The following TRPM2 variants were observed in gnomAD, a reference collection of about 807,000 sequenced individuals.
TRPM2 encodes the protein transient receptor potential cation channel subfamily M member 2, also known as estrogen-responsive element-associated gene 1 protein.
A neutral mutation model predicts 174.0 loss-of-function variants in TRPM2; 161 were observed. The ratio of observed to expected loss-of-function variants is 0.93; its 90% confidence interval spans 0.81 to 1.05. The LOEUF is 1.05. TRPM2 is among the 50% of genes least tolerant of loss of function. The pLI is 0.00. For synonymous variants in TRPM2, 954 were observed against 861.3 expected (o/e 1.11, Z -1.88); for missense variants, 2,057 against 2,038.0 (o/e 1.01, Z -0.18).
intron 16 of TRPM2, 56 bp downstream of exon 16, chr21:44,401,953 T>C: frequency 6.3e-7 from 1 of 1,593,556 alleles, no homozygotes; most frequent in Non-Finnish European, 8.6e-7. Flanking sequence ...CTTGGCTGCA[T>C]TCTCATAGGG....
At chr21:44,402,981 G>C (rs1475061935) in intron 16 of TRPM2, among the ~76,000 whole-genome samples, 1 of 152,162 alleles carries the variant, frequency 6.6e-6, no homozygotes, top group South Asian at 2.1e-4. Flanking sequence ...CTGGGGCCCT[G>C]GGGGAGGCAC....
chr21:44,372,376 A>G (rs1239651126), intron 5 of TRPM2, among the ~76,000 whole-genome samples: 1 of 151,878 alleles, frequency 6.6e-6, no homozygotes, highest in African/African-American at 2.4e-5. Context: ...GGCGACTGTA[A>G]TCCCAGCTAC....
At chr21:44,437,260 C>T in intron 29 of TRPM2, 93 bp downstream of exon 29, 2 of 1,081,598 alleles carry the variant, frequency 1.8e-6, no homozygotes, top group Non-Finnish European at 2.7e-6. Flanking sequence ...GACACCAGCC[C>T]CCTGCAGCCC....
Position 44,376,110 on chromosome 21 carries a change from C to A in TRPM2, c.952+97C>A. ...GGTCACGACCAGGACGTTCAACAGG[C>A]CTGGCGTTTGGCAGAGAGTGCAGTG... On this transcript the variant is annotated intron_variant, in intron 6 of 31. Transcript: ENST00000397928. The surrounding 1 kb of genome is among the most constrained non-coding windows in gnomAD (Gnocchi z 4.2). 2.1e-6 allele frequency: 3 copies of A among 1,444,462 alleles called. No homozygotes were observed. The highest frequency in any genetic ancestry group is 2.2e-5 in the Admixed American group (1 of 45,382). 89.5% of individuals were successfully genotyped at this position (1,444,462 alleles called of 1,614,324 possible).
chr21:44,425,011 G>A (rs1410169852), intron 24 of TRPM2, 72 bp downstream of exon 24: 1 of 1,383,436 alleles, frequency 7.2e-7, no homozygotes. Flanking sequence ...CAGTTGGGAG[G>A]AGAGGCAGCT....
rs369256497 is a variant in TRPM2, at chr21:44,425,582, G to A, written c.3638-88G>A. 1.6e-4 allele frequency: 216 copies of A among 1,375,606 alleles called. 3 individuals are homozygous for A. The South Asian group carries it at 1.9e-3, about 12-fold the overall frequency. The allele number at this position is 1,375,606 out of a possible 1,614,324, so 85.2% of individuals were successfully genotyped here. A position where few individuals can be genotyped will look rare whatever the true frequency, so the allele number is the denominator to read the frequency against. ...GGTGGAGGAGCCCAGATGTTTTGGC[G>A]GAAGGACCACAGAGGAAGTCCTTGT... On this transcript the variant is annotated intron_variant, in intron 24 of 31. Coordinates refer to ENST00000397928, the MANE Select transcript of TRPM2 (RefSeq NM_003307.4).
chr21:44,441,028 C>T (rs1209399234), intron 31 of TRPM2, 123 bp downstream of exon 31: 20 of 832,554 alleles, frequency 2.4e-5, no homozygotes, highest in Non-Finnish European at 3.0e-5. Context: ...TCTGTATGGG[C>T]GTGGCCTCCG....
chr21:44,399,105 C>G lies in TRPM2; in HGVS notation c.2063-191C>G, dbSNP rs1310789262. On this transcript the variant is annotated intron_variant, in intron 13 of 31. Coordinates refer to ENST00000397928, the MANE Select transcript of TRPM2 (RefSeq NM_003307.4). The surrounding 1 kb of genome is among the most constrained non-coding windows in gnomAD (Gnocchi z 4.6). ...GTTGTCATTTTTGTAGAGGCAGTTCCAGCCCTACGTGCCCTCTCCCTGGGG... is the reference window on the plus strand; with the variant it reads ...GTTGTCATTTTTGTAGAGGCAGTTCGAGCCCTACGTGCCCTCTCCCTGGGG... Among the ~76,000 whole-genome samples, 3 of 152,090 alleles carry G rather than the reference C, an allele frequency of 2.0e-5. No individual in the cohort carries two copies. The highest frequency in any genetic ancestry group is 2.0e-4 in the Admixed American group (3 of 15,256).
intron 11 of TRPM2, among the ~76,000 whole-genome samples, chr21:44,393,370 A>G (rs529368127): frequency 6.6e-6 from 1 of 152,274 alleles, no homozygotes; most frequent in East Asian, 1.9e-4. Context: ...CTGATAGTGA[A>G]ACATGTTTTT....
At chr21:44,402,996 G>T (rs541759351) in intron 16 of TRPM2, among the ~76,000 whole-genome samples, 1 of 152,174 alleles carries the variant, frequency 6.6e-6, no homozygotes, top group Non-Finnish European at 1.5e-5. Flanking sequence ...AGGCACCGGC[G>T]TCCCCAGGAA....
At chr21:44,365,855 C>A (rs2048344375) in intron 3 of TRPM2, among the ~76,000 whole-genome samples, 1 of 152,222 alleles carries the variant, frequency 6.6e-6, no homozygotes, top group Non-Finnish European at 1.5e-5. Flanking sequence ...CCCAGGGAGA[C>A]CAGCACCTCC....
intron 19 of TRPM2, among the ~76,000 whole-genome samples, chr21:44,409,595 T>C (rs2050022315): frequency 6.8e-6 from 1 of 147,692 alleles, no homozygotes; most frequent in Non-Finnish European, 1.5e-5. Context: ...ACTGTCTTGG[T>C]TGGCGTAGCC....
intron 11 of TRPM2, among the ~76,000 whole-genome samples, chr21:44,392,020 A>C (rs2049192829): frequency 6.6e-6 from 1 of 152,060 alleles, no homozygotes; most frequent in South Asian, 2.1e-4. Flanking sequence ...GCTGGAGTGC[A>C]GTGGCGTGAT....
In TRPM2 at chr21:44,379,243, A is replaced by G. The variant is rs1339955277; in HGVS notation, c.1215+46A>G. Reference sequence around the variant, plus strand: ...GGTCACCAGCATGTGGCTGCTTTGCAGAGACACTGTCAGCCTGGTGGGCAG... The same window carrying G: ...GGTCACCAGCATGTGGCTGCTTTGCGGAGACACTGTCAGCCTGGTGGGCAG... On this transcript the variant is annotated intron_variant, in intron 8 of 31. Transcript: ENST00000397928. 3.1e-6 allele frequency: 5 copies of G among 1,594,152 alleles called. No homozygotes were observed. The Admixed American group carries it at 8.4e-5, about 27-fold the overall frequency.
At chr21:44,412,863 A>C (rs2050148346) in intron 19 of TRPM2, among the ~76,000 whole-genome samples, 1 of 152,078 alleles carries the variant, frequency 6.6e-6, no homozygotes, top group Non-Finnish European at 1.5e-5. Context: ...TAGCCATCAG[A>C]GTGCGTTTCT....
intron 8 of TRPM2, among the ~76,000 whole-genome samples, chr21:44,382,205 C>T (rs2048902779): frequency 6.6e-6 from 1 of 151,818 alleles, no homozygotes; most frequent in Admixed American, 6.6e-5. Context: ...ATAGATGAAA[C>T]ACACACATGG....
intron 22 of TRPM2, among the ~76,000 whole-genome samples, chr21:44,419,954 G>A (rs1234567766): frequency 1.3e-5 from 2 of 151,690 alleles, no homozygotes; most frequent in Non-Finnish European, 2.9e-5. Flanking sequence ...GCTGGTGGTG[G>A]TGACGATGGT....
At chr21:44,434,077 G>A (rs533772801) in intron 27 of TRPM2, among the ~76,000 whole-genome samples, 4 of 151,320 alleles carry the variant, frequency 2.6e-5, no homozygotes, top group Admixed American at 6.6e-5. Context: ...GAGCAGCCAC[G>A]CACTGCCGCG....
At chr21:44,413,794 C>G (rs2050184268) in intron 19 of TRPM2, 97 bp from the exon 20 acceptor site, 2 of 1,401,688 alleles carry the variant, frequency 1.4e-6, no homozygotes, top group African/African-American at 1.4e-5. Context: ...TGCGGGGGAC[C>G]TGGCAGTGAC....
Sources: allele counts gnomAD v4.1 joint callset (sites outside exome capture counted in the v4.1 genomes callset), GRCh38; gene constraint gnomAD v4.1.1; non-coding constraint Gnocchi (gnomAD v3.1); transcripts MANE v1.5; gene names NCBI Gene and HGNC (gene_info 2026-07-23, HGNC 2026-07-21).